FAP: variants seen among roughly 807,000 people sequenced by gnomAD.
The protein encoded by FAP is prolyl endopeptidase FAP.
In FAP, 110 loss-of-function variants were observed where a neutral mutation model predicts 126.5. The observed-to-expected ratio is 0.87, with a 90% CI of 0.74 to 1.02. FAP has a LOEUF of 1.02. Among genes scored for constraint, FAP ranks in the 50% least tolerant of loss-of-function variants. The pLI is 0.00. For missense variants in FAP, 919 were observed against 909.2 expected (o/e 1.01, Z -0.14); for synonymous variants, 334 against 297.3 (o/e 1.12, Z -1.27).
chr2:162,220,854 C>G (rs1689358607), intron 6 of FAP, among the ~76,000 whole-genome samples: 1 of 152,232 alleles, frequency 6.6e-6, no homozygotes, highest in African/African-American at 2.4e-5. Context: ...ACAGTTTCAT[C>G]GAGACTGCCT....
intron 16 of FAP, among the ~76,000 whole-genome samples, chr2:162,195,581 G>A (rs1270371492): frequency 2.6e-5 from 4 of 152,032 alleles, no homozygotes; most frequent in East Asian, 1.9e-4. Context: ...AGCACTCTCA[G>A]TAGCTGAAGA....
intron 12 of FAP, among the ~76,000 whole-genome samples, chr2:162,208,847 A>G (rs1161970073): frequency 1.3e-5 from 2 of 150,780 alleles, no homozygotes; most frequent in Non-Finnish European, 3.0e-5. Context: ...TCTGAATTAC[A>G]TACTTATCTT....
chr2:162,239,663 A>C (rs1690270414), intron 2 of FAP, among the ~76,000 whole-genome samples: 1 of 152,242 alleles, frequency 6.6e-6, no homozygotes, highest in Admixed American at 6.5e-5. Context: ...GGAAGAACAC[A>C]GACACAAAAT....
intron 17 of FAP, among the ~76,000 whole-genome samples, chr2:162,193,199 A>C (rs1235702962): frequency 6.6e-6 from 1 of 152,220 alleles, no homozygotes; most frequent in Non-Finnish European, 1.5e-5. Flanking sequence ...CAGCAGCTGA[A>C]CATTTACTAT....
intron 14 of FAP, among the ~76,000 whole-genome samples, chr2:162,200,845 A>G (rs1461004989): frequency 1.3e-5 from 2 of 152,126 alleles, no homozygotes; most frequent in African/African-American, 4.8e-5. Context: ...TGTTTTTATT[A>G]TATTATATTC....
chr2:162,225,609 G>A (rs1689612320), intron 3 of FAP, 32 bp from the exon 4 acceptor site: 1 of 1,556,354 alleles, frequency 6.4e-7, no homozygotes, highest in Admixed American at 2.0e-5. Flanking sequence ...AAATGTAAAT[G>A]ATCTCTCTTA....
At chr2:162,202,142 C>A (rs1211316991) in intron 14 of FAP, among the ~76,000 whole-genome samples, 2 of 152,164 alleles carry the variant, frequency 1.3e-5, no homozygotes, top group African/African-American at 4.8e-5. Context: ...TAGATGCAGA[C>A]TGTATTAGAA....
chr2:162,229,898 T>G (rs1197063799), intron 2 of FAP, among the ~76,000 whole-genome samples: 1 of 152,182 alleles, frequency 6.6e-6, no homozygotes, highest in Admixed American at 6.5e-5. Context: ...GTACTAATTG[T>G]ACTACTAATT....
At chr2:162,201,309 C>T (rs1339419287) in intron 14 of FAP, among the ~76,000 whole-genome samples, 2 of 152,136 alleles carry the variant, frequency 1.3e-5, no homozygotes, top group African/African-American at 4.8e-5. Flanking sequence ...GACAATTAGG[C>T]AGTCCAGTTC....
chr2:162,199,712 C>T (rs1310463993), intron 15 of FAP, among the ~76,000 whole-genome samples: 1 of 152,206 alleles, frequency 6.6e-6, no homozygotes, highest in African/African-American at 2.4e-5. Context: ...TTGCCTTGGG[C>T]ATGGCAGAGA....
At chr2:162,172,731 TA>T (rs1388805828) in intron 25 of FAP, 79 bp downstream of exon 25, 119 of 908,936 alleles carry the variant, frequency 1.3e-4, no homozygotes, top group Non-Finnish European at 1.6e-4. Flanking sequence ...CTTTAAAAGT[TA>T]AAAAAAATAA....
In FAP at chr2:162,170,757, T is replaced by C. The variant is rs1272153926; in HGVS notation, c.*222A>G. ...ATAAAACACTGTGTCCAAAGCAAAA[T>C]GCATGACTCCCTTTTCTCTTCTTTC... On this transcript the variant is annotated 3_prime_UTR_variant, in exon 26 of 26. Transcript: ENST00000188790. 2.9e-5 allele frequency: 14 copies of C among 477,180 alleles called. No individual in the cohort carries two copies. The highest frequency in any genetic ancestry group is 4.9e-5 in the Non-Finnish European group (13 of 267,044). 29.6% of individuals were successfully genotyped at this position (477,180 alleles called of 1,614,324 possible).
At chr2:162,193,068 A>G (rs770309148) in intron 17 of FAP, among the ~76,000 whole-genome samples, 2 of 152,266 alleles carry the variant, frequency 1.3e-5, no homozygotes, top group South Asian at 2.1e-4. Context: ...TATTTTATAG[A>G]TAGATCCAGG....
At chr2:162,175,077 G>T in intron 21 of FAP, 111 bp from the exon 22 acceptor site, 1 of 687,938 alleles carries the variant, frequency 1.5e-6, no homozygotes, top group East Asian at 2.8e-5. Flanking sequence ...GGAGAATATG[G>T]CTAAGGGTGG....
At chr2:162,189,854 G>A (rs1017372359) in intron 17 of FAP, 100 bp from the exon 18 acceptor site, 3 of 651,518 alleles carry the variant, frequency 4.6e-6, no homozygotes, top group Non-Finnish European at 8.1e-6. Context: ...AACTGAAACT[G>A]TGAAAAGCTC....
chr2:162,200,105 C>T (rs1688436972), intron 15 of FAP, among the ~76,000 whole-genome samples: 1 of 152,194 alleles, frequency 6.6e-6, no homozygotes, highest in Non-Finnish European at 1.5e-5. Context: ...GTCGAGGGCA[C>T]CATTTCAGTC....
chr2:162,210,046 T>A lies in FAP; in HGVS notation c.1003-50A>T, dbSNP rs201810973. The A allele has an allele frequency of 5.7e-5, 87 of 1,531,096 alleles. No individual in the cohort carries two copies. In the East Asian group the frequency reaches 1.9e-3, roughly 33 times the overall value. The allele number at this position is 1,531,096 out of a possible 1,614,324, so 94.8% of individuals were successfully genotyped here. On this transcript the variant is annotated intron_variant, in intron 11 of 25. Coordinates refer to ENST00000188790, the MANE Select transcript of FAP (RefSeq NM_004460.5). The stretch of plus-strand genomic sequence containing the variant: ...ACATAGTATTAGGAGAACATTTTTT[T>A]CCTAAATGTAATCTGGACATTTGGA...
chr2:162,228,583 G>A (rs756108635), intron 2 of FAP, among the ~76,000 whole-genome samples: 1 of 152,090 alleles, frequency 6.6e-6, no homozygotes, highest in Non-Finnish European at 1.5e-5. Flanking sequence ...TTTGCAACTA[G>A]ACACTGAATA....
intron 2 of FAP, 45 bp from the exon 3 acceptor site, chr2:162,226,666 C>T (rs1689666521): frequency 9.6e-7 from 1 of 1,038,230 alleles, no homozygotes; most frequent in East Asian, 2.4e-5. Context: ...AGAAGGTTAA[C>T]AACTCAAATA....
Sources: allele counts gnomAD v4.1 joint callset (sites outside exome capture counted in the v4.1 genomes callset), GRCh38; gene constraint gnomAD v4.1.1; transcripts MANE v1.5; gene names NCBI Gene and HGNC (gene_info 2026-07-23, HGNC 2026-07-21).